Variants in NOLC1 observed in about 807,000 individuals in gnomAD.
The protein encoded by NOLC1 is nucleolar and coiled-body phosphoprotein 1, also known as 140 kDa nucleolar phosphoprotein.
A neutral mutation model predicts 73.4 loss-of-function variants in NOLC1; 37 were observed. The observed-to-expected ratio is 0.50, with a 90% CI of 0.39 to 0.66. The LOEUF (loss-of-function observed/expected upper bound fraction) is 0.66. NOLC1 is among the 30% of genes least tolerant of loss of function. NOLC1 has a pLI of 0.00. For missense variants in NOLC1, 921 were observed against 838.9 expected, an observed-to-expected ratio of 1.10 and a Z score of -1.21; for synonymous variants, 327 against 302.6, an observed-to-expected ratio of 1.08 and a Z score of -0.84.
chr10:102,159,475 G>A lies in NOLC1; in HGVS notation c.766G>A (p.Ala256Thr). The A allele has an allele frequency of 1.2e-6, 2 of 1,614,204 alleles. No homozygotes were observed. The highest frequency in any genetic ancestry group is 1.7e-6 in the Non-Finnish European group (2 of 1,180,048). ...KQVVAKAPVK[A>T]ATTPTRKSSS... is the part of the protein sequence containing the mutation. Reference sequence around the variant, plus strand: ...AGTTGTGGCCAAGGCCCCAGTGAAAGCAGCTACCACCCCTACCCGGAAGAG... The same window carrying A: ...AGTTGTGGCCAAGGCCCCAGTGAAAACAGCTACCACCCCTACCCGGAAGAG... Residue 256 changes from alanine to threonine, a missense_variant, in exon 7 of 13, where the codon GCA becomes ACA. Transcript: ENST00000605788.
At chr10:102,159,386 G>A (rs1168434703) in intron 6 of NOLC1, 47 bp from the exon 7 acceptor site, 1 of 1,613,744 alleles carries the variant, frequency 6.2e-7, no homozygotes, top group Admixed American at 1.7e-5. Flanking sequence ...GGCAGGATTG[G>A]TTGGGTCAGC....
Position 102,160,714 on chromosome 10 carries a change from T to C in NOLC1, c.1362T>C (p.Ala454=). The part of the protein sequence containing the change: ...TTKPKATAKA[A]LSLPAKQAPQ... The stretch of plus-strand genomic sequence containing the variant: ...AGCCCAAGGCGACTGCCAAAGCAGC[T>C]CTATCTCTGCCTGCCAAGCAGGCTC... Residue 454 remains alanine, a synonymous_variant, in exon 10 of 13, where the codon GCT becomes GCC. Transcript: ENST00000605788. 9.3e-6 allele frequency: 15 copies of C among 1,613,998 alleles called. No homozygotes were observed. The highest frequency in any genetic ancestry group is 1.3e-5 in the Non-Finnish European group (15 of 1,179,938).
At chr10:102,161,277 A>G (rs948312299) in intron 10 of NOLC1, among the ~76,000 whole-genome samples, 184 bp downstream of exon 10, 3 of 151,370 alleles carry the variant, frequency 2.0e-5, no homozygotes, top group Non-Finnish European at 2.9e-5. Flanking sequence ...TGTCACCCAG[A>G]CCAGGGTGCA....
At chr10:102,161,785 T>G in intron 11 of NOLC1, 48 bp from the exon 12 acceptor site, 1 of 1,580,344 alleles carries the variant, frequency 6.3e-7, no homozygotes, top group Non-Finnish European at 8.7e-7. Flanking sequence ...TCAGGAGAAC[T>G]GTTACATGAC....
In NOLC1 at chr10:102,158,084, T is replaced by A. The variant is rs201351908; in HGVS notation, c.477T>A (p.Ala159=). Residue 159 remains alanine (A), a synonymous_variant, in exon 5 of 13, where the codon GCT becomes GCA. Coordinates refer to ENST00000605788, the MANE Select transcript of NOLC1 (RefSeq NM_004741.5). Reference sequence around the variant, plus strand: ...AGCCCCAAGCCAAGGCAGCCAAAGCTCCTCCTAAGAAGGCCAAGAGCTCTG... The same window carrying A: ...AGCCCCAAGCCAAGGCAGCCAAAGCACCTCCTAAGAAGGCCAAGAGCTCTG... ...GVKPQAKAAK[A]PPKKAKSSDS... 188 of 1,613,996 alleles carry A rather than the reference T, an allele frequency of 1.2e-4. No individual in the cohort carries two copies. The South Asian group carries it at 1.9e-3, about 16-fold the overall frequency.
chr10:102,158,291 C>A, intron 5 of NOLC1, 77 bp downstream of exon 5: 1 of 1,324,384 alleles, frequency 7.6e-7, no homozygotes, highest in Non-Finnish European at 1.1e-6. Context: ...GCCGATTTGG[C>A]ACAGGGGTGA....
chr10:102,160,949 C>A lies in NOLC1; in HGVS notation c.1597C>A (p.Leu533Ile). 6.2e-7 allele frequency: 1 copy of A among 1,614,136 alleles called. No individual in the cohort carries two copies. Among genetic ancestry groups the A allele is most frequent in the Non-Finnish European group, 8.5e-7 (1 of 1,180,030 alleles). ...DDSSEEEEEK[L>I]KGKGSPRPQA... ...CTCCAGTGAGGAAGAGGAAGAGAAG[C>A]TCAAGGGCAAGGGCTCTCCAAGACC... Residue 533 changes from leucine (L) to isoleucine (I), a missense_variant, in exon 10 of 13, where the codon CTC (leucine) becomes ATC (isoleucine). By Grantham distance (5) the Leu-to-Ile change is conservative. Coordinates refer to ENST00000605788, the MANE Select transcript of NOLC1 (RefSeq NM_004741.5).
At position 102,162,322 on chromosome 10, in the gene NOLC1, C is replaced by G. The variant is rs1184513553; in HGVS notation, c.*53C>G. On this transcript the variant is annotated 3_prime_UTR_variant, in exon 13 of 13. Coordinates refer to ENST00000605788, the MANE Select transcript of NOLC1 (RefSeq NM_004741.5). ...GTGATGATCGGAGACTACTTACTTT[C>G]TCCAGTGGACCTGGGAACCCTCAGG... 1.3e-6 allele frequency: 2 copies of G among 1,583,682 alleles called. No individual in the cohort carries two copies. Among genetic ancestry groups the G allele is most frequent in the African/African-American group, 2.7e-5 (2 of 74,216 alleles).
Position 102,152,502 on chromosome 10 carries a change from C to T in NOLC1, c.92C>T (p.Ala31Val). The T allele has an allele frequency of 6.2e-7, 1 of 1,613,850 alleles. No individual in the cohort carries two copies. The highest frequency in any genetic ancestry group is 8.5e-7 in the Non-Finnish European group (1 of 1,180,048). Residue 31 changes from alanine (A) to valine (V), a missense_variant, in exon 1 of 13, where the codon GCC becomes GTC. By Grantham distance (64) the Ala-to-Val change is moderately conservative. Coordinates refer to ENST00000605788, the MANE Select transcript of NOLC1 (RefSeq NM_004741.5). ...CGCGATAACCAACTCTCAGAGGTGG[C>T]CAATAAGTTCGCCAAAGCGACAGGA... ...FLRDNQLSEVANKFAKATGAT... is the reference protein window; with the variant it reads ...FLRDNQLSEVVNKFAKATGAT...
Position 102,160,434 on chromosome 10 carries a change from C to A in NOLC1, c.1100-18C>A. 1 of 1,612,254 alleles carries A rather than the reference C, an allele frequency of 6.2e-7. No homozygotes were observed. Among genetic ancestry groups the A allele is most frequent in the Non-Finnish European group, 8.5e-7 (1 of 1,179,108 alleles). On this transcript the variant is annotated intron_variant, in intron 9 of 12. Transcript: ENST00000605788. ...ATCCAATTTGGGGAGCTGTTGATTC[C>A]ATCCCTTCTGTGTCTAGACTCTGAC...
rs777592186 is a variant in NOLC1, at chr10:102,160,526, G to C, written c.1174G>C (p.Ala392Pro). The C allele has an allele frequency of 6.2e-7, 1 of 1,614,180 alleles. No homozygotes were observed. Among genetic ancestry groups the C allele is most frequent in the South Asian group, 1.1e-5 (1 of 91,078 alleles). Residue 392 changes from alanine (A) to proline (P), a missense_variant, in exon 10 of 13, where the codon GCT becomes CCT. Physicochemically the swap from Ala to Pro is conservative, Grantham distance 27. Coordinates refer to ENST00000605788, the MANE Select transcript of NOLC1 (RefSeq NM_004741.5). ...CACCAAGAATTCTTCAAATAAGCCAGCTGTCACCACCAAGTCACCTGCAGT... is the reference window on the plus strand; with the variant it reads ...CACCAAGAATTCTTCAAATAAGCCACCTGTCACCACCAAGTCACCTGCAGT... ...GTTKNSSNKP[A>P]VTTKSPAVKP...
chr10:102,153,425 A>G (rs771716728), intron 1 of NOLC1, among the ~76,000 whole-genome samples: 4 of 152,226 alleles, frequency 2.6e-5, no homozygotes, highest in Non-Finnish European at 5.9e-5. Context: ...ACACTTTGAG[A>G]GAGGAGAGAG....
At chr10:102,157,973 A>C (rs2133756733) in intron 4 of NOLC1, 76 bp from the exon 5 acceptor site, 1 of 1,392,648 alleles carries the variant, frequency 7.2e-7, no homozygotes. Context: ...GGCCCCTAAA[A>C]ATAAAAGGAA....
chr10:102,156,821 G>T (rs1397040090), intron 1 of NOLC1, among the ~76,000 whole-genome samples, 198 bp from the exon 2 acceptor site: 1 of 152,108 alleles, frequency 6.6e-6, no homozygotes, highest in Non-Finnish European at 1.5e-5. Flanking sequence ...GCAAACATAG[G>T]AGTAGCCCGT....
intron 1 of NOLC1, among the ~76,000 whole-genome samples, chr10:102,153,773 A>G (rs2069545937): frequency 6.7e-6 from 1 of 149,062 alleles, no homozygotes; most frequent in Non-Finnish European, 1.5e-5. Context: ...CCCAAGTTCA[A>G]GTGATTATCC....
intron 1 of NOLC1, among the ~76,000 whole-genome samples, chr10:102,154,862 T>G (rs1281338133): frequency 2.7e-5 from 4 of 148,418 alleles, no homozygotes; most frequent in Middle Eastern, 6.8e-3. Context: ...TGTTTTGTGT[T>G]TGTTTGTTTC....
At position 102,160,651 on chromosome 10, in the gene NOLC1, TGAG is replaced by T. The variant is rs765413170; in HGVS notation, c.1306_1308del (p.Glu436del). The T allele has an allele frequency of 7.8e-5, 126 of 1,613,736 alleles. No individual in the cohort carries two copies. In the African/African-American group the frequency reaches 8.0e-4, roughly 10 times the overall value. ...CCAGTGAGGAAGAGAGCAGCTCCAG[TGAG>T]GAGGAGAAGACAAAGAAGATGGTGG... On this transcript the variant is annotated inframe_deletion, in exon 10 of 13. Transcript: ENST00000605788.
chr10:102,155,725 G>A lies in NOLC1; in HGVS notation c.121-1294G>A, dbSNP rs533300663. ...GGGTTTCACCATGTTGGCCAGGCTG[G>A]TCTCAAACTCCTGACATCATGATCT... On this transcript the variant is annotated intron_variant, in intron 1 of 12. Transcript: ENST00000605788. Among the ~76,000 whole-genome samples, 8 of 152,158 alleles carry A rather than the reference G, an allele frequency of 5.3e-5. No individual in the cohort carries two copies. The South Asian group carries it at 1.0e-3, about 20-fold the overall frequency.
chr10:102,157,906 T>A (rs1221449815), intron 4 of NOLC1, 143 bp from the exon 5 acceptor site: 2 of 735,222 alleles, frequency 2.7e-6, no homozygotes, highest in Non-Finnish European at 4.4e-6. Context: ...AACTTTGTTG[T>A]TTTTTGCCCT....
Sources: gnomAD v4.1 joint callset for allele counts (sites outside exome capture counted in the v4.1 genomes callset) on GRCh38, gnomAD v4.1.1 for gene constraint, MANE v1.5 for transcripts, NCBI Gene and HGNC (gene_info 2026-07-23, HGNC 2026-07-21) for gene names.